DZANK1: variants seen among roughly 807,000 people sequenced by gnomAD.
DZANK1 encodes double zinc ribbon and ankyrin repeat-containing protein 1.
DZANK1 carries 91 observed loss-of-function variants against 94.5 expected under a neutral mutation model. The observed-to-expected ratio is 0.96, with a 90% CI of 0.81 to 1.15. The LOEUF (loss-of-function observed/expected upper bound fraction) is 1.15, where lower values mean the gene tolerates loss of function less well. Among genes scored for constraint, DZANK1 ranks in the 50% most tolerant of loss-of-function variants. DZANK1 has a pLI of 0.00. For missense variants in DZANK1, 903 were observed against 916.4 expected, an observed-to-expected ratio of 0.99 and a Z score of 0.19; for synonymous variants, 312 against 325.3, an observed-to-expected ratio of 0.96 and a Z score of 0.44.
chr20:18,419,134 C>T lies in DZANK1; in HGVS notation c.955-3685G>A, dbSNP rs1182167622. 5.3e-5 allele frequency among the ~76,000 whole-genome samples: 8 copies of T among 151,992 alleles called. No homozygotes were observed. In the South Asian group the frequency reaches 8.3e-4, roughly 16 times the overall value. Reference sequence around the variant, plus strand: ...AAAATTAGCCAGGCTTGGTGGTGCACACCTGTAATTCCAGCTACTCGGGAG... The same window carrying T: ...AAAATTAGCCAGGCTTGGTGGTGCATACCTGTAATTCCAGCTACTCGGGAG... On this transcript the variant is annotated intron_variant, in intron 10 of 20. Coordinates refer to ENST00000262547, the Ensembl canonical transcript of DZANK1.
At chr20:18,393,854 A>G (rs750101923) in intron 16 of DZANK1, 43 bp from the exon 17 acceptor site, 1 of 1,253,678 alleles carries the variant, frequency 8.0e-7, no homozygotes, top group East Asian at 2.3e-5. Flanking sequence ...CCCCTCCCCC[A>G]ACTCCCCACA....
At chr20:18,460,000 AAC>A (rs768346586) in intron 3 of DZANK1, among the ~76,000 whole-genome samples, 151 bp downstream of exon 3, 3 of 152,240 alleles carry the variant, frequency 2.0e-5, no homozygotes, top group Admixed American at 6.5e-5. Flanking sequence ...AGGCAAGTAA[AAC>A]ACAAATGTTA....
At chr20:18,396,729 A>G (rs2056364690) in intron 14 of DZANK1, among the ~76,000 whole-genome samples, 183 bp from the exon 15 acceptor site, 1 of 152,238 alleles carries the variant, frequency 6.6e-6, no homozygotes, top group Non-Finnish European at 1.5e-5. Context: ...GAAAACAAAG[A>G]ACAAAATGGC....
At chr20:18,411,093 C>A (rs968164560) in intron 13 of DZANK1, among the ~76,000 whole-genome samples, 1 of 151,646 alleles carries the variant, frequency 6.6e-6, no homozygotes, top group Non-Finnish European at 1.5e-5. Context: ...TGACCTTAAA[C>A]GAGGAAAAGA....
Position 18,385,102 on chromosome 20 carries a change from G to C in DZANK1, c.2019-12C>G, listed in dbSNP as rs1209498588. On this transcript the variant is annotated splice_polypyrimidine_tract_variant and intron_variant, in intron 19 of 20. Coordinates refer to ENST00000262547, the Ensembl canonical transcript of DZANK1. ...CTGTATTTCTGAGCCTAATGAGGGG[G>C]GAAAAATCCTGGATAAATCCTTAGT... is the stretch of plus-strand genomic sequence containing the variant. 6.4e-7 allele frequency: 1 copy of C among 1,551,720 alleles called. No homozygotes were observed. The highest frequency in any genetic ancestry group is 1.4e-5 in the African/African-American group (1 of 73,012).
rs553269699 is a variant in DZANK1, at chr20:18,391,479, T to C, written c.1810-1020A>G. 3.3e-5 allele frequency among the ~76,000 whole-genome samples: 5 copies of C among 152,308 alleles called. No homozygotes were observed. The South Asian group carries it at 1.0e-3, about 32-fold the overall frequency. On this transcript the variant is annotated intron_variant, in intron 17 of 20. Coordinates refer to ENST00000262547, the Ensembl canonical transcript of DZANK1. ...CGATCACCTGACCTCATGATCTGCCTGCCTCAGCCTCCCTAAGTGCTGGGA... is the reference window on the plus strand; with the variant it reads ...CGATCACCTGACCTCATGATCTGCCCGCCTCAGCCTCCCTAAGTGCTGGGA...
chr20:18,418,361 A>C (rs982107170), intron 10 of DZANK1, among the ~76,000 whole-genome samples: 1 of 152,196 alleles, frequency 6.6e-6, no homozygotes, highest in Non-Finnish European at 1.5e-5. Flanking sequence ...GAAAGAGAGA[A>C]GATCTTCTCT....
chr20:18,398,713 G>T, intron 13 of DZANK1, 87 bp from the exon 14 acceptor site: 1 of 1,311,804 alleles, frequency 7.6e-7, no homozygotes. Flanking sequence ...TGTTCTTAGA[G>T]AGGTTAATTT....
chr20:18,445,870 C>T (rs1424273021), intron 7 of DZANK1, among the ~76,000 whole-genome samples: 2 of 152,126 alleles, frequency 1.3e-5, no homozygotes, highest in African/African-American at 4.8e-5. Context: ...GATTATTGTG[C>T]CTCAGCCTCC....
At position 18,419,901 on chromosome 20, in the gene DZANK1, AC is replaced by A. The variant is rs201197419; in HGVS notation, c.955-4453del. 7.0e-3 allele frequency among the ~76,000 whole-genome samples: 1,040 copies of A among 149,188 alleles called. 16 individuals are homozygous for A. Among genetic ancestry groups the A allele is most frequent in the African/African-American group, 0.016 (659 of 40,918 alleles). The stretch of plus-strand genomic sequence containing the variant: ...TATTGGTGTAAATACAAAAAAAAAA[AC>A]AAACAGCTTTATCTTTTTGGTTTTT... On this transcript the variant is annotated intron_variant, in intron 10 of 20. Coordinates refer to ENST00000262547, the Ensembl canonical transcript of DZANK1.
intron 20 of DZANK1, 81 bp downstream of exon 20, chr20:18,384,935 G>T: frequency 7.4e-7 from 1 of 1,360,086 alleles, no homozygotes; most frequent in Non-Finnish European, 1.0e-6. Flanking sequence ...CAGGAACCAA[G>T]GCCCCTCTTA....
intron 3 of DZANK1, among the ~76,000 whole-genome samples, chr20:18,457,303 C>T (rs1289003204): frequency 5.9e-5 from 9 of 152,054 alleles, no homozygotes; most frequent in Admixed American, 5.2e-4. Context: ...AGCAAAACCC[C>T]ATCTCTACCA....
chr20:18,463,779 CTTAG>C (rs2059553042), intron 2 of DZANK1, among the ~76,000 whole-genome samples: 1 of 152,042 alleles, frequency 6.6e-6, no homozygotes, highest in Non-Finnish European at 1.5e-5. Flanking sequence ...AATACATATG[CTTAG>C]TTAGAACTCT....
At chr20:18,427,909 G>C (rs771605495) in intron 9 of DZANK1, among the ~76,000 whole-genome samples, 1 of 151,996 alleles carries the variant, frequency 6.6e-6, no homozygotes, top group Non-Finnish European at 1.5e-5. Context: ...CCAGCACTTT[G>C]GGAGGCTGAG....
intron 8 of DZANK1, among the ~76,000 whole-genome samples, chr20:18,442,818 T>A (rs544640422): frequency 1.3e-5 from 2 of 148,354 alleles, no homozygotes; most frequent in East Asian, 3.9e-4. Flanking sequence ...TGGTGAAGGT[T>A]TTAATTTTTA....
At chr20:18,400,839 A>T (rs1181740409) in intron 13 of DZANK1, among the ~76,000 whole-genome samples, 1 of 152,262 alleles carries the variant, frequency 6.6e-6, no homozygotes, top group Non-Finnish European at 1.5e-5. Flanking sequence ...AGGATCTTAC[A>T]TTCTTAGTGG....
intron 17 of DZANK1, among the ~76,000 whole-genome samples, chr20:18,392,350 A>C (rs2056054719): frequency 6.6e-6 from 1 of 152,240 alleles, no homozygotes; most frequent in African/African-American, 2.4e-5. Flanking sequence ...GTTACATACA[A>C]AGCATGTGGT....
intron 9 of DZANK1, chr20:18,432,881 T>C (rs974596742): frequency 1.3e-5 from 2 of 152,256 alleles, no homozygotes; most frequent in Non-Finnish European, 2.9e-5. Flanking sequence ...CAGTATGATA[T>C]CATTTTTTGA....
chr20:18,394,610 G>C (rs775009296), intron 15 of DZANK1: 5 of 646,086 alleles, frequency 7.7e-6, no homozygotes, highest in African/African-American at 3.6e-5. Context: ...TCTCACATTG[G>C]GACCATCACA....
Sources: gnomAD v4.1 joint callset for allele counts (sites outside exome capture counted in the v4.1 genomes callset) on GRCh38, gnomAD v4.1.1 for gene constraint, MANE v1.5 for transcripts, NCBI Gene and HGNC (gene_info 2026-07-23, HGNC 2026-07-21) for gene names.